GSDME: variants seen among roughly 807,000 people sequenced by gnomAD.
GSDME encodes gasdermin E, also known as gasdermin-E.
A neutral mutation model predicts 47.5 loss-of-function variants in GSDME; 44 were observed. The ratio of observed to expected loss-of-function variants is 0.93; its 90% confidence interval spans 0.73 to 1.19. GSDME has a LOEUF of 1.19. Ranked by LOEUF, GSDME falls within the 50% of genes most tolerant of loss-of-function variation. GSDME has a pLI of 0.00. For missense variants in GSDME, 663 were observed against 604.2 expected (o/e 1.10, Z -1.02); for synonymous variants, 258 against 252.8 (o/e 1.02, Z -0.20).
At position 24,705,428 on chromosome 7, in the gene GSDME, G is replaced by C. The variant is rs1390790323; in HGVS notation, c.1183+756C>G. The stretch of plus-strand genomic sequence containing the variant: ...GTCTGTTTCTGTGTGGTGCTAGGGA[G>C]GAACCCTGAATGTATCAGAAACTAT... On this transcript the variant is annotated intron_variant, in intron 8 of 9. Coordinates refer to ENST00000645220, the MANE Select transcript of GSDME (RefSeq NM_001127453.2). The surrounding 1 kb of genome is among the most constrained non-coding windows in gnomAD (Gnocchi z 4.1). The C allele has an allele frequency of 1.3e-5, 2 of 153,236 alleles. No homozygotes were observed. Among genetic ancestry groups the C allele is most frequent in the Non-Finnish European group, 2.9e-5 (2 of 68,808 alleles). 9.5% of individuals were successfully genotyped at this position (153,236 alleles called of 1,614,324 possible). A position where few individuals can be genotyped will look rare whatever the true frequency, so the allele number is the denominator to read the frequency against.
chr7:24,715,955 A>C (rs561978062), intron 5 of GSDME, among the ~76,000 whole-genome samples: 6 of 152,268 alleles, frequency 3.9e-5, no homozygotes, highest in African/African-American at 1.4e-4. Flanking sequence ...TCTCCTAGGG[A>C]TCCTCAACAC....
At chr7:24,761,169 T>C (rs1791160589), upstream of GSDME, among the ~76,000 whole-genome samples, 1 of 152,230 alleles carries the variant, frequency 6.6e-6, no homozygotes, top group African/African-American at 2.4e-5. The surrounding 1 kb of genome is among the most constrained non-coding windows in gnomAD (Gnocchi z 4.4). Context: ...TTCTGTTCCA[T>C]GTGCACTGAC....
the GSDME span, among the ~76,000 whole-genome samples, chr7:24,773,391 T>G: frequency 6.6e-6 from 1 of 152,220 alleles, no homozygotes; most frequent in African/African-American, 2.4e-5. The surrounding 1 kb of genome is among the most constrained non-coding windows in gnomAD (Gnocchi z 5.4). Flanking sequence ...TATTTTTACA[T>G]TTTAGTGCAA....
chr7:24,746,517 C>T (rs544588770), intron 2 of GSDME, among the ~76,000 whole-genome samples: 65 of 152,216 alleles, frequency 4.3e-4, no homozygotes, highest in African/African-American at 1.4e-3. Context: ...TGTGTTTAGG[C>T]CACAGAAATA....
In GSDME at chr7:24,757,156, G is replaced by A. The variant is rs1349835316; in HGVS notation, c.-20+240C>T. Among the ~76,000 whole-genome samples, 2 of 152,206 alleles carry A rather than the reference G, an allele frequency of 1.3e-5. No individual in the cohort carries two copies. The highest frequency in any genetic ancestry group is 2.9e-5 in the Non-Finnish European group (2 of 68,022). ...TGACTGCGAGTTGGGGCGGGACGCG[G>A]TGATGGGAGGGGACCGGGCCGGGAA... On this transcript the variant is annotated intron_variant, in intron 1 of 9. Coordinates refer to ENST00000645220, the MANE Select transcript of GSDME (RefSeq NM_001127453.2). This position sits in a 1 kb window ranked among gnomAD's most constrained non-coding sequence, Gnocchi z 5.9.
In GSDME at chr7:24,754,263, G is replaced by C. The variant is rs898642409; in HGVS notation, c.-20+3133C>G. Among the ~76,000 whole-genome samples the C allele has an allele frequency of 6.6e-6, 1 of 152,094 alleles. No homozygotes were observed. Among genetic ancestry groups the C allele is most frequent in the South Asian group, 2.1e-4 (1 of 4,812 alleles). ...GCACTTTGGGAGGCCGAGGTGGGGC[G>C]GATCACCTAGGTCAGGAGTTTGAAA... On this transcript the variant is annotated intron_variant, in intron 1 of 9. Transcript: ENST00000645220. This position sits in a 1 kb window ranked among gnomAD's most constrained non-coding sequence, Gnocchi z 5.0.
chr7:24,766,810 T>C, the GSDME span, among the ~76,000 whole-genome samples: 1 of 152,210 alleles, frequency 6.6e-6, no homozygotes, highest in Non-Finnish European at 1.5e-5. The surrounding 1 kb of genome is among the most constrained non-coding windows in gnomAD (Gnocchi z 4.2). Flanking sequence ...ATCCTTTGGG[T>C]ATATACCCAG....
In GSDME at chr7:24,739,145, G is replaced by A. The variant is rs1790405345; in HGVS notation, c.404+5417C>T. 6.6e-6 allele frequency among the ~76,000 whole-genome samples: 1 copy of A among 152,090 alleles called. No individual in the cohort carries two copies. The highest frequency in any genetic ancestry group is 1.5e-5 in the Non-Finnish European group (1 of 67,998). On this transcript the variant is annotated intron_variant, in intron 3 of 9. Transcript: ENST00000645220. The surrounding 1 kb of genome is among the most constrained non-coding windows in gnomAD (Gnocchi z 5.1). ...AAATGGACAAATGGAATCATATCAA[G>A]TTAAAGACTTCTGCACAGCAATGAA... is the stretch of plus-strand genomic sequence containing the variant.
chr7:24,700,987 A>T (rs1788841651), intron 9 of GSDME, among the ~76,000 whole-genome samples: 1 of 152,212 alleles, frequency 6.6e-6, no homozygotes, highest in Non-Finnish European at 1.5e-5. Flanking sequence ...AGTGAAGTTA[A>T]CATTCTCTAC....
rs1790458746 is a variant in GSDME at position 24,740,644 on chromosome 7, A to G, written c.404+3918T>C. ...TTAAAAAATGTCATATATCCCATAAATGTATGTATATATATTTACGTAAAT... is the reference window on the plus strand; with the variant it reads ...TTAAAAAATGTCATATATCCCATAAGTGTATGTATATATATTTACGTAAAT... On this transcript the variant is annotated intron_variant, in intron 3 of 9. Coordinates refer to ENST00000645220, the MANE Select transcript of GSDME (RefSeq NM_001127453.2). 2.0e-5 allele frequency among the ~76,000 whole-genome samples: 3 copies of G among 150,568 alleles called. No homozygotes were observed. In the South Asian group the frequency reaches 6.2e-4, roughly 31 times the overall value.
chr7:24,759,678 A>G (rs962693884), upstream of GSDME, among the ~76,000 whole-genome samples: 5 of 152,176 alleles, frequency 3.3e-5, no homozygotes, highest in Non-Finnish European at 5.9e-5. Flanking sequence ...TTAACCCACC[A>G]TAGGGTAGAC....
At chr7:24,737,211 AGTTT>A (rs779303523) in intron 3 of GSDME, among the ~76,000 whole-genome samples, 13 of 152,062 alleles carry the variant, frequency 8.5e-5, no homozygotes, top group Non-Finnish European at 1.8e-4. Flanking sequence ...ATGAAACAAA[AGTTT>A]GTTTTTTTAA....
rs1243633868 is a variant in GSDME, at chr7:24,724,475, C to A, written c.405-5257G>T. 6.6e-6 allele frequency among the ~76,000 whole-genome samples: 1 copy of A among 152,202 alleles called. No individual in the cohort carries two copies. The highest frequency in any genetic ancestry group is 1.5e-5 in the Non-Finnish European group (1 of 68,038). On this transcript the variant is annotated intron_variant, in intron 3 of 9. Coordinates refer to ENST00000645220, the MANE Select transcript of GSDME (RefSeq NM_001127453.2). The surrounding 1 kb of genome is among the most constrained non-coding windows in gnomAD (Gnocchi z 4.8). ...TCTAAGGGCAGGCTCCTTGTTCTTC[C>A]TGGCGGGGGCGGCAACGTGAAAGCA...
chr7:24,775,910 T>A, the GSDME span, among the ~76,000 whole-genome samples: 12 of 137,844 alleles, frequency 8.7e-5, no homozygotes, highest in South Asian at 2.8e-3. Context: ...CCAGGCACAG[T>A]GGCTCACGCC....
chr7:24,753,404 T>C (rs1014952825), intron 1 of GSDME, among the ~76,000 whole-genome samples: 137 of 152,232 alleles, frequency 9.0e-4, no homozygotes, highest in African/African-American at 3.1e-3. Context: ...CGCATTTTAC[T>C]TGTCCCATGT....
chr7:24,719,970 T>C (rs1562698209), intron 3 of GSDME, among the ~76,000 whole-genome samples: 1 of 152,128 alleles, frequency 6.6e-6, no homozygotes, highest in Admixed American at 6.5e-5. Context: ...TTGCTTCTCA[T>C]TGAGAAAGGA....
At chr7:24,773,945 C>T in the GSDME span, among the ~76,000 whole-genome samples, 2 of 152,196 alleles carry the variant, frequency 1.3e-5, no homozygotes, top group Admixed American at 6.5e-5. This position sits in a 1 kb window ranked among gnomAD's most constrained non-coding sequence, Gnocchi z 5.4. Flanking sequence ...CCTGTGTTTA[C>T]ATAGAGGTGT....
chr7:24,794,905 A>T, the GSDME span, among the ~76,000 whole-genome samples: 2 of 152,218 alleles, frequency 1.3e-5, no homozygotes, highest in Non-Finnish European at 2.9e-5. Context: ...AATTTGAGCC[A>T]AGTCAGAACC....
chr7:24,762,356 A>G (rs1302191736), upstream of GSDME, among the ~76,000 whole-genome samples: 1 of 152,158 alleles, frequency 6.6e-6, no homozygotes, highest in African/African-American at 2.4e-5. Context: ...CGTTATTATC[A>G]GCATTAAGGA....
Sources: allele counts gnomAD v4.1 joint callset (sites outside exome capture counted in the v4.1 genomes callset), GRCh38; gene constraint gnomAD v4.1.1; non-coding constraint Gnocchi (gnomAD v3.1); transcripts MANE v1.5; gene names NCBI Gene and HGNC (gene_info 2026-07-23, HGNC 2026-07-21).